Variants in ERGIC1 observed in about 807,000 individuals in gnomAD.
The protein encoded by ERGIC1 is endoplasmic reticulum-Golgi intermediate compartment protein 1.
ERGIC1 carries 19 observed loss-of-function variants against 38.3 expected under a neutral mutation model. That is an observed-to-expected ratio of 0.50 (90% CI 0.35 to 0.73). The LOEUF is 0.73. Ranked by LOEUF, ERGIC1 falls within the 30% of genes least tolerant of loss-of-function variation. The probability of loss-of-function intolerance (pLI) is 0.01; values close to 1 mark genes in which losing one functional copy is unlikely to be tolerated. For synonymous variants in ERGIC1, 124 were observed against 157.6 expected (o/e 0.79, Z 1.60); for missense variants, 294 against 389.2 (o/e 0.76, Z 2.06).
intron 9 of ERGIC1, among the ~76,000 whole-genome samples, chr5:172,947,978 A>G (rs1217361586): frequency 6.6e-6 from 1 of 151,786 alleles, no homozygotes; most frequent in Non-Finnish European, 1.5e-5. Context: ...TCCAAGCTCT[A>G]AAAGCGTTTT....
intron 1 of ERGIC1, among the ~76,000 whole-genome samples, chr5:172,880,650 T>A (rs1048560927): frequency 6.6e-6 from 1 of 152,050 alleles, no homozygotes; most frequent in African/African-American, 2.4e-5. Context: ...ATACTCTGAG[T>A]TTAATTGCAC....
In ERGIC1 at chr5:172,837,656, C is replaced by T. The variant is rs1581500257; in HGVS notation, c.20+3223C>T. Among the ~76,000 whole-genome samples the T allele has an allele frequency of 6.6e-6, 1 of 152,166 alleles. No homozygotes were observed. The highest frequency in any genetic ancestry group is 2.1e-4 in the South Asian group (1 of 4,826). On this transcript the variant is annotated intron_variant, in intron 1 of 9. Transcript: ENST00000393784. The surrounding 1 kb of genome is among the most constrained non-coding windows in gnomAD (Gnocchi z 4.3). The stretch of plus-strand genomic sequence containing the variant: ...TTTCAGCCATTAGTGGAGAAATCTC[C>T]CCTCTCCACCCTTGAATCTGCCGTT...
chr5:172,863,210 C>T (rs1444326848), intron 1 of ERGIC1, among the ~76,000 whole-genome samples: 1 of 152,212 alleles, frequency 6.6e-6, no homozygotes, highest in Admixed American at 6.5e-5. Context: ...CTCGGCCTCC[C>T]ATAGTGCTGG....
chr5:172,918,346 A>T (rs1763424959), intron 5 of ERGIC1: 1 of 152,272 alleles, frequency 6.6e-6, no homozygotes, highest in Non-Finnish European at 1.5e-5. Context: ...CGTAGGTATC[A>T]TTAGACTGGC....
rs564892985 is a variant in ERGIC1, at chr5:172,918,584, G to A, written c.375+3746G>A. Among the ~76,000 whole-genome samples the A allele has an allele frequency of 5.3e-5, 8 of 152,360 alleles. No homozygotes were observed. The East Asian group carries it at 1.2e-3, about 22-fold the overall frequency. ...ATAGATATCAAAGAGCAGGGCTGGC[G>A]CTACCAGGCTCAGGAAGGCAGGCTT... is the stretch of plus-strand genomic sequence containing the variant. On this transcript the variant is annotated intron_variant, in intron 5 of 9. Coordinates refer to ENST00000393784, the MANE Select transcript of ERGIC1 (RefSeq NM_001031711.3).
At chr5:172,851,215 A>AT (rs1761396506) in intron 1 of ERGIC1, among the ~76,000 whole-genome samples, 1 of 150,464 alleles carries the variant, frequency 6.6e-6, no homozygotes. Context: ...AAAAAAAAAA[A>AT]AAAAATTAAA....
In ERGIC1 at chr5:172,932,330, G is replaced by T. The variant is rs187596859; in HGVS notation, c.542-106G>T. 6.6e-4 allele frequency: 717 copies of T among 1,091,582 alleles called. 6 individuals carry two copies. In the African/African-American group the frequency reaches 9.9e-3, roughly 15 times the overall value. 67.6% of individuals were successfully genotyped at this position (1,091,582 alleles called of 1,614,324 possible). ...GGTTGGTGGTAAAACTGGGGAATGA[G>T]CCCCCTGCCGTGCCCAGGGAATTTA... On this transcript the variant is annotated intron_variant, in intron 7 of 9. Coordinates refer to ENST00000393784, the MANE Select transcript of ERGIC1 (RefSeq NM_001031711.3).
intron 8 of ERGIC1, 172 bp downstream of exon 8, chr5:172,932,708 T>G (rs1763806287): frequency 1.6e-6 from 1 of 629,990 alleles, no homozygotes; most frequent in South Asian, 1.9e-5. Context: ...AAAAGCCCAG[T>G]CCCTGCCATG....
chr5:172,863,043 G>A (rs1396861899), intron 1 of ERGIC1, among the ~76,000 whole-genome samples: 1 of 152,308 alleles, frequency 6.6e-6, no homozygotes, highest in Non-Finnish European at 1.5e-5. Flanking sequence ...GTGCAGTGGT[G>A]CAATCCCAGC....
intron 9 of ERGIC1, among the ~76,000 whole-genome samples, chr5:172,938,804 C>A (rs1243006216): frequency 6.6e-6 from 1 of 151,460 alleles, no homozygotes; most frequent in Admixed American, 6.6e-5. Flanking sequence ...TGGCTCACGC[C>A]TGTAATCCCA....
chr5:172,834,372 G>A lies in ERGIC1; in HGVS notation c.-42G>A. 1 of 1,273,582 alleles carries A rather than the reference G, an allele frequency of 7.9e-7. No individual in the cohort carries two copies. The highest frequency in any genetic ancestry group is 9.9e-7 in the Non-Finnish European group (1 of 1,010,002). The allele number at this position is 1,273,582 out of a possible 1,614,324, so 78.9% of individuals were successfully genotyped here. On this transcript the variant is annotated 5_prime_UTR_variant, in exon 1 of 10. Coordinates refer to ENST00000393784, the MANE Select transcript of ERGIC1 (RefSeq NM_001031711.3). The surrounding 1 kb of genome is among the most constrained non-coding windows in gnomAD (Gnocchi z 4.1). ...GGGCTCGGACCCACGCGGCGCCGCG[G>A]CCCGCCTGGCCTGCAGCGCTCCCAC...
intron 1 of ERGIC1, among the ~76,000 whole-genome samples, chr5:172,863,206 C>G (rs1761763938): frequency 6.6e-6 from 1 of 152,240 alleles, no homozygotes; most frequent in African/African-American, 2.4e-5. Flanking sequence ...CCACCTCGGC[C>G]TCCCATAGTG....
intron 1 of ERGIC1, among the ~76,000 whole-genome samples, chr5:172,878,292 T>G (rs568234871): frequency 7.2e-5 from 11 of 152,278 alleles, no homozygotes; most frequent in African/African-American, 2.4e-4. Flanking sequence ...TCACCCAGAT[T>G]TCTCATAAAT....
At chr5:172,844,347 A>G (rs573833778) in intron 1 of ERGIC1, among the ~76,000 whole-genome samples, 1 of 152,190 alleles carries the variant, frequency 6.6e-6, no homozygotes, top group Admixed American at 6.5e-5. Flanking sequence ...CTTACTGCCT[A>G]CAGATGCCCT....
At chr5:172,914,245 A>ATAAAT (rs1335818817) in intron 4 of ERGIC1, among the ~76,000 whole-genome samples, 2 of 141,480 alleles carry the variant, frequency 1.4e-5, no homozygotes, top group African/African-American at 5.7e-5. Context: ...AAAAAAAAAA[A>ATAAAT]AAAAAAAAAA....
At chr5:172,910,634 T>G (rs1763182801) in intron 4 of ERGIC1, among the ~76,000 whole-genome samples, 1 of 151,740 alleles carries the variant, frequency 6.6e-6, no homozygotes. Flanking sequence ...AAGCGATTCT[T>G]CTGCCTCAGC....
chr5:172,938,856 G>T (rs1331835247), intron 9 of ERGIC1, among the ~76,000 whole-genome samples: 3 of 152,038 alleles, frequency 2.0e-5, no homozygotes, highest in Admixed American at 1.3e-4. Context: ...CAGGTCGGGA[G>T]TTTGAGACCA....
intron 2 of ERGIC1, among the ~76,000 whole-genome samples, chr5:172,893,479 C>A (rs1039440212): frequency 6.6e-6 from 1 of 152,100 alleles, no homozygotes; most frequent in African/African-American, 2.4e-5. Flanking sequence ...TTCATCATTA[C>A]AGCATCCAAT....
chr5:172,947,873 G>GTT (rs35182806), intron 9 of ERGIC1, among the ~76,000 whole-genome samples: 7 of 109,606 alleles, frequency 6.4e-5, no homozygotes, highest in South Asian at 3.3e-4. Flanking sequence ...ATACAGATGT[G>GTT]TTTTGTGTGT....
Sources: allele counts gnomAD v4.1 joint callset (sites outside exome capture counted in the v4.1 genomes callset), GRCh38; gene constraint gnomAD v4.1.1; non-coding constraint Gnocchi (gnomAD v3.1); transcripts MANE v1.5; gene names NCBI Gene and HGNC (gene_info 2026-07-23, HGNC 2026-07-21).